The following EAF2 variants were observed in gnomAD, a reference collection of about 807,000 sequenced individuals.
EAF2 encodes the protein ELL associated factor 2, also known as ELL-associated factor 2.
In EAF2, 29 loss-of-function variants were observed where a neutral mutation model predicts 29.4. The observed-to-expected ratio is 0.99, with a 90% CI of 0.73 to 1.35. The LOEUF (loss-of-function observed/expected upper bound fraction) is 1.35, where lower values mean the gene tolerates loss of function less well. Ranked by LOEUF, EAF2 falls within the 40% of genes most tolerant of loss-of-function variation. EAF2 has a pLI of 0.00. For missense variants in EAF2, 292 were observed against 312.0 expected, an observed-to-expected ratio of 0.94 and a Z score of 0.48; for synonymous variants, 103 against 102.5, an observed-to-expected ratio of 1.00 and a Z score of -0.03.
At chr3:121,867,558 A>G (rs1045387705) in intron 4 of EAF2, among the ~76,000 whole-genome samples, 16 of 152,240 alleles carry the variant, frequency 1.1e-4, no homozygotes, top group Admixed American at 5.9e-4. Flanking sequence ...ATGATTCTTC[A>G]GTAATGAGGG....
Position 121,844,458 on chromosome 3 carries a change from T to C in EAF2, c.112T>C (p.Phe38Leu). The change falls in exon 2 of 6, where the codon TTC (phenylalanine) becomes CTC (leucine). Residue 38 changes from phenylalanine (F) to leucine (L), a missense_variant. By Grantham distance (22) the Phe-to-Leu change is conservative (BLOSUM62 0). Coordinates refer to ENST00000273668, the MANE Select transcript of EAF2 (RefSeq NM_018456.6). ...GTATTTGTATCTATTTTTAGATGAC[T>C]TCAAACCTGCTTCTATTGACACTTC... ...RCAFHTVRYD[F>L]KPASIDTSSE... 1 of 1,606,648 alleles carries C rather than the reference T, an allele frequency of 6.2e-7. No individual in the cohort carries two copies. The highest frequency in any genetic ancestry group is 8.5e-7 in the Non-Finnish European group (1 of 1,176,560).
chr3:121,879,443 A>G (rs1486237261), intron 5 of EAF2, among the ~76,000 whole-genome samples: 2 of 152,018 alleles, frequency 1.3e-5, no homozygotes, highest in Non-Finnish European at 2.9e-5. Flanking sequence ...CAGGTCTTAC[A>G]TACAAAAAAA....
At chr3:121,851,714 G>A (rs895288412) in intron 2 of EAF2, among the ~76,000 whole-genome samples, 1 of 151,792 alleles carries the variant, frequency 6.6e-6, no homozygotes, top group Non-Finnish European at 1.5e-5. Context: ...GGAACAATAC[G>A]ATTAGATTTG....
At chr3:121,844,346 A>T in intron 1 of EAF2, 107 bp from the exon 2 acceptor site, 2 of 686,798 alleles carry the variant, frequency 2.9e-6, no homozygotes, top group Non-Finnish European at 4.9e-6. Context: ...AACCATTTTA[A>T]TTACAAAGCT....
At chr3:121,878,172 T>C (rs1447689348) in intron 5 of EAF2, among the ~76,000 whole-genome samples, 2 of 152,146 alleles carry the variant, frequency 1.3e-5, no homozygotes, top group East Asian at 3.9e-4. Flanking sequence ...ACCAATAGAA[T>C]AGGCCAATCT....
In EAF2 at chr3:121,841,794, G is replaced by T. The variant is rs1022300820; in HGVS notation, c.107-2659G>T. Among the ~76,000 whole-genome samples the T allele has an allele frequency of 4.1e-4, 62 of 151,920 alleles. 2 individuals carry two copies. Among genetic ancestry groups the T allele is most frequent in the Admixed American group, 2.2e-3 (33 of 15,264 alleles). Reference sequence around the variant, plus strand: ...GGAAGTCGAGGCGGGCGGATCACGAGGTCAGGAGTTCGAGACCAGCCTGAC... The same window carrying T: ...GGAAGTCGAGGCGGGCGGATCACGATGTCAGGAGTTCGAGACCAGCCTGAC... On this transcript the variant is annotated intron_variant, in intron 1 of 5. Coordinates refer to ENST00000273668, the MANE Select transcript of EAF2 (RefSeq NM_018456.6).
At chr3:121,874,542 T>C (rs1024562881) in intron 5 of EAF2, among the ~76,000 whole-genome samples, 3 of 151,902 alleles carry the variant, frequency 2.0e-5, no homozygotes, top group Non-Finnish European at 4.4e-5. Context: ...CTGACTTCCT[T>C]ATCACTTATT....
At chr3:121,854,912 A>C in intron 3 of EAF2, 89 bp downstream of exon 3, 1 of 1,207,428 alleles carries the variant, frequency 8.3e-7, no homozygotes, top group Non-Finnish European at 1.1e-6. Flanking sequence ...ATTATAATAT[A>C]GGAGTTATTT....
intron 4 of EAF2, among the ~76,000 whole-genome samples, chr3:121,871,474 G>T (rs1037410930): frequency 2.6e-5 from 4 of 151,840 alleles, no homozygotes; most frequent in African/African-American, 4.8e-5. Context: ...AATTTATCTA[G>T]CTGTACATTT....
intron 1 of EAF2, chr3:121,836,291 C>A (rs1260429810): frequency 1.3e-5 from 2 of 152,280 alleles, no homozygotes; most frequent in South Asian, 4.1e-4. Flanking sequence ...CCCAGCCTTG[C>A]CCTTCCTTAA....
intron 4 of EAF2, among the ~76,000 whole-genome samples, chr3:121,865,970 T>C (rs1468005771): frequency 6.6e-6 from 1 of 152,140 alleles, no homozygotes; most frequent in Non-Finnish European, 1.5e-5. Flanking sequence ...TTCTTCTCTC[T>C]CATCTAAAGA....
At chr3:121,847,885 G>A (rs1396849103) in intron 2 of EAF2, among the ~76,000 whole-genome samples, 1 of 152,148 alleles carries the variant, frequency 6.6e-6, no homozygotes, top group Non-Finnish European at 1.5e-5. Flanking sequence ...CTTGGAGCTA[G>A]ACATCCTATA....
intron 4 of EAF2, among the ~76,000 whole-genome samples, chr3:121,869,428 C>T (rs768134395): frequency 3.3e-5 from 5 of 152,152 alleles, no homozygotes; most frequent in South Asian, 2.1e-4. Context: ...AGGCAGTCAT[C>T]GGAGAACACT....
chr3:121,838,186 C>A (rs1708339822), intron 1 of EAF2, among the ~76,000 whole-genome samples: 1 of 152,104 alleles, frequency 6.6e-6, no homozygotes. Context: ...AAATGGTTTT[C>A]TACTCTTCAT....
At position 121,845,799 on chromosome 3, in the gene EAF2, C is replaced by G. The variant is rs955602695; in HGVS notation, c.201+1252C>G. ...AAGAAAGAGACTGTCAGGGGAGGCCCTAACCAAAAGTTTTGTCCATTAAAA... is the reference window on the plus strand; with the variant it reads ...AAGAAAGAGACTGTCAGGGGAGGCCGTAACCAAAAGTTTTGTCCATTAAAA... On this transcript the variant is annotated intron_variant, in intron 2 of 5. Transcript: ENST00000273668. Among the ~76,000 whole-genome samples the G allele has an allele frequency of 2.2e-4, 34 of 152,126 alleles. 1 individual carries two copies. Among genetic ancestry groups the G allele is most frequent in the Admixed American group, 4.6e-4 (7 of 15,298 alleles).
intron 1 of EAF2, among the ~76,000 whole-genome samples, chr3:121,841,129 G>A (rs1708412275): frequency 6.6e-6 from 1 of 152,190 alleles, no homozygotes; most frequent in Non-Finnish European, 1.5e-5. Flanking sequence ...ATAATTAGAT[G>A]TAAATGATGA....
At chr3:121,857,233 C>T (rs1226181784) in intron 4 of EAF2, 77 bp downstream of exon 4, 1 of 1,323,606 alleles carries the variant, frequency 7.6e-7, no homozygotes, top group East Asian at 2.4e-5. Context: ...GTGGCTCACA[C>T]CTGTAATCCC....
In EAF2 at chr3:121,840,507, AAG is replaced by A. The variant is rs375160514; in HGVS notation, c.107-3944_107-3943del. On this transcript the variant is annotated intron_variant, in intron 1 of 5. Coordinates refer to ENST00000273668, the MANE Select transcript of EAF2 (RefSeq NM_018456.6). The stretch of plus-strand genomic sequence containing the variant: ...TTCGTCTAAAAAAAAAAAAAAAAAA[AAG>A]AAAAAAAAAAAACGGGCCGGGTGCG... Among the ~76,000 whole-genome samples, 158 of 60,980 alleles carry A rather than the reference AAG, an allele frequency of 2.6e-3. 9 individuals are homozygous for A. Among genetic ancestry groups the A allele is most frequent in the Non-Finnish European group, 3.4e-3 (88 of 25,948 alleles). The allele number at this position is 60,980 out of a possible 152,430, so 40.0% of individuals were successfully genotyped here.
chr3:121,836,182 G>C (rs1389814719), intron 1 of EAF2: 3 of 152,212 alleles, frequency 2.0e-5, no homozygotes, highest in Non-Finnish European at 4.4e-5. Flanking sequence ...CATAACAACT[G>C]TCATAGAATT....
Sources: gnomAD v4.1 joint callset for allele counts (sites outside exome capture counted in the v4.1 genomes callset) on GRCh38, gnomAD v4.1.1 for gene constraint, MANE v1.5 for transcripts, NCBI Gene and HGNC (gene_info 2026-07-23, HGNC 2026-07-21) for gene names.